The following AKAP13 variants were observed in gnomAD, a reference collection of about 807,000 sequenced individuals.
AKAP13 encodes A-kinase anchor protein 13.
Under a neutral mutation model 264.5 loss-of-function variants are expected in AKAP13, and 80 were observed. The ratio of observed to expected loss-of-function variants is 0.30; its 90% CI spans 0.25 to 0.36. The LOEUF (loss-of-function observed/expected upper bound fraction) is 0.36. Ranked by LOEUF, AKAP13 falls within the 10% of genes least tolerant of loss-of-function variation. The pLI, the probability that AKAP13 is intolerant of heterozygous loss-of-function variation, is 1.00. For missense variants in AKAP13, 3,712 were observed against 3,435.2 expected (o/e 1.08, Z -2.01); for synonymous variants, 1,380 against 1,250.2 (o/e 1.10, Z -2.19).
intron 2 of AKAP13, among the ~76,000 whole-genome samples, chr15:85,490,699 A>G (rs2075696634): frequency 6.6e-6 from 1 of 152,206 alleles, no homozygotes. Flanking sequence ...GAGCTGGGCA[A>G]TTTATTCTTT....
chr15:85,394,598 C>T (rs1189477180), intron 1 of AKAP13, among the ~76,000 whole-genome samples: 1 of 152,202 alleles, frequency 6.6e-6, no homozygotes, highest in East Asian at 1.9e-4. Context: ...TTCCTCACAA[C>T]TGCTTGTCAC....
intron 1 of AKAP13, among the ~76,000 whole-genome samples, chr15:85,457,467 T>A (rs1303774020): frequency 6.6e-6 from 1 of 152,204 alleles, no homozygotes; most frequent in Admixed American, 6.5e-5. Flanking sequence ...ACTGTACTGA[T>A]TCTGTTCAGC....
intron 9 of AKAP13, among the ~76,000 whole-genome samples, chr15:85,645,345 T>C (rs1045998450): frequency 6.6e-6 from 1 of 152,204 alleles, no homozygotes; most frequent in African/African-American, 2.4e-5. Flanking sequence ...AAGAGCTATT[T>C]ATGGTAAGAA....
chr15:85,416,034 G>A (rs972000311), intron 1 of AKAP13, among the ~76,000 whole-genome samples: 3 of 152,128 alleles, frequency 2.0e-5, no homozygotes, highest in Non-Finnish European at 4.4e-5. Context: ...GGGAAGATTC[G>A]AATGAAGTGA....
rs2088927427 is a variant in AKAP13 at position 85,740,918 on chromosome 15, T to G, written c.7609-128T>G. 2.8e-6 allele frequency: 4 copies of G among 1,438,922 alleles called. No individual in the cohort carries two copies. The South Asian group carries it at 5.8e-5, about 21-fold the overall frequency. 89.1% of individuals were successfully genotyped at this position (1,438,922 alleles called of 1,614,324 possible). On this transcript the variant is annotated intron_variant, in intron 34 of 36. Transcript: ENST00000394518. ...CTGGAGCATTTTTATGAGACGGGCT[T>G]GAAAAATGAGGGGAGAGTTCTAGTC...
At chr15:85,684,666 A>G (rs1202705682) in intron 15 of AKAP13, 75 bp from the exon 16 acceptor site, 5 of 1,482,228 alleles carry the variant, frequency 3.4e-6, no homozygotes, top group Admixed American at 2.0e-5. Context: ...GCCTTCATCT[A>G]CCTTTTATTC....
intron 30 of AKAP13, among the ~76,000 whole-genome samples, chr15:85,732,899 T>C (rs1161647637): frequency 1.3e-5 from 2 of 152,114 alleles, no homozygotes; most frequent in Non-Finnish European, 2.9e-5. Context: ...ATTCTAATAG[T>C]AATGCTGCTA....
At chr15:85,490,322 G>A (rs1296340695) in intron 2 of AKAP13, among the ~76,000 whole-genome samples, 1 of 152,216 alleles carries the variant, frequency 6.6e-6, no homozygotes, top group Non-Finnish European at 1.5e-5. Context: ...CCATCATTGG[G>A]TATAGAGAAG....
intron 14 of AKAP13, among the ~76,000 whole-genome samples, chr15:85,673,342 G>T (rs1478709722): frequency 6.6e-6 from 1 of 152,210 alleles, no homozygotes; most frequent in East Asian, 1.9e-4. Context: ...AAAAGCTGCA[G>T]TGTCTCCTGT....
rs116250453 is a variant in AKAP13 at position 85,710,718 on chromosome 15, A to G, written c.5599+73A>G. ...CTGAATGTAAAAATGCTGTTGTAAT[A>G]TTCAGTTATTATTCATAGTCAAGAT... On this transcript the variant is annotated intron_variant, in intron 19 of 36. Transcript: ENST00000394518. 327 of 1,512,588 alleles carry G rather than the reference A, an allele frequency of 2.2e-4. No individual in the cohort carries two copies. The African/African-American group carries it at 4.2e-3, about 19-fold the overall frequency. 93.7% of individuals were successfully genotyped at this position (1,512,588 alleles called of 1,614,324 possible). A position where few individuals can be genotyped will look rare whatever the true frequency, so the allele number is the denominator to read the frequency against.
At chr15:85,430,481 G>C (rs931022603) in intron 1 of AKAP13, among the ~76,000 whole-genome samples, 1 of 152,174 alleles carries the variant, frequency 6.6e-6, no homozygotes, top group Non-Finnish European at 1.5e-5. Context: ...CTTCCCATCA[G>C]GGGGATGTGA....
At chr15:85,510,427 A>G (rs902602851) in intron 2 of AKAP13, among the ~76,000 whole-genome samples, 9 of 152,184 alleles carry the variant, frequency 5.9e-5, no homozygotes, top group African/African-American at 2.2e-4. Flanking sequence ...AATACATTTT[A>G]TTGCTAGTAT....
intron 1 of AKAP13, among the ~76,000 whole-genome samples, chr15:85,414,903 TA>T (rs1177545652): frequency 6.6e-6 from 1 of 151,420 alleles, no homozygotes; most frequent in Non-Finnish European, 1.5e-5. Flanking sequence ...TTCTGTTTTC[TA>T]AAATGGATTC....
chr15:85,650,771 AAAAAAAAAAAAAAAAAAAAC>A (rs1334455657), intron 10 of AKAP13, among the ~76,000 whole-genome samples: 15 of 139,802 alleles, frequency 1.1e-4, no homozygotes, highest in South Asian at 6.7e-4. Flanking sequence ...AAAAAAAAAA[AAAAAAAAAAAAAAAAAAAAC>A]AACAAAAACT....
intron 14 of AKAP13, among the ~76,000 whole-genome samples, chr15:85,672,894 C>T (rs1311539474): frequency 6.6e-6 from 1 of 152,218 alleles, no homozygotes; most frequent in Non-Finnish European, 1.5e-5. Context: ...TTAAACATTG[C>T]TCACCATTGC....
chr15:85,524,408 T>A (rs1341391569), intron 3 of AKAP13, among the ~76,000 whole-genome samples: 3 of 151,974 alleles, frequency 2.0e-5, no homozygotes, highest in Admixed American at 2.0e-4. Context: ...ACTCCTGACC[T>A]CGTGATCTGC....
intron 21 of AKAP13, 21 bp from the exon 22 acceptor site, chr15:85,717,986 T>C (rs764949360): frequency 2.6e-5 from 42 of 1,607,182 alleles, no homozygotes; most frequent in East Asian, 4.5e-5. Flanking sequence ...GATTCTGATA[T>C]TGATTTTTTG....
intron 5 of AKAP13, among the ~76,000 whole-genome samples, chr15:85,556,449 A>G (rs74025614): frequency 0.018 from 2,728 of 152,310 alleles, 84 homozygotes; most frequent in African/African-American, 0.063. Flanking sequence ...TATATGGTCT[A>G]TCATAGACTG....
chr15:85,392,903 C>G (rs535921380), intron 1 of AKAP13, among the ~76,000 whole-genome samples: 1 of 152,338 alleles, frequency 6.6e-6, no homozygotes, highest in East Asian at 1.9e-4. Flanking sequence ...TCAGCATTAA[C>G]TTAGATTTTT....
Sources: allele counts gnomAD v4.1 joint callset (sites outside exome capture counted in the v4.1 genomes callset), GRCh38; gene constraint gnomAD v4.1.1; transcripts MANE v1.5; gene names NCBI Gene and HGNC (gene_info 2026-07-23, HGNC 2026-07-21).